Variants in NAALADL2 observed in about 807,000 individuals in gnomAD.
The protein encoded by NAALADL2 is inactive N-acetylated-alpha-linked acidic dipeptidase-like protein 2.
NAALADL2 carries 76 observed loss-of-function variants against 87.2 expected under a neutral mutation model. The observed-to-expected ratio is 0.87, with a 90% CI of 0.72 to 1.05. The LOEUF is 1.05. NAALADL2 is among the 50% of genes least tolerant of loss of function. The pLI is 0.00. For missense variants in NAALADL2, 1,089 were observed against 945.8 expected, an observed-to-expected ratio of 1.15 and a Z score of -1.99; for synonymous variants, 354 against 331.0, an observed-to-expected ratio of 1.07 and a Z score of -0.75.
At chr3:175,301,417 A>C (rs944448110) in intron 4 of NAALADL2, among the ~76,000 whole-genome samples, 4 of 151,934 alleles carry the variant, frequency 2.6e-5, no homozygotes, top group African/African-American at 9.7e-5. Flanking sequence ...CAGAACTTAA[A>C]GTATAATAAA....
intron 2 of NAALADL2, among the ~76,000 whole-genome samples, chr3:174,720,736 T>C (rs1166750192): frequency 6.6e-6 from 1 of 152,196 alleles, no homozygotes; most frequent in Admixed American, 6.5e-5. Flanking sequence ...ATTAATAAAA[T>C]GCAGTTTTTA....
intron 1 of NAALADL2, among the ~76,000 whole-genome samples, chr3:174,961,284 C>T (rs1741956259): frequency 6.6e-6 from 1 of 151,248 alleles, no homozygotes; most frequent in South Asian, 2.1e-4. Context: ...CCACCCACAC[C>T]TGGTTGAGAA....
At chr3:175,540,355 G>A (rs1292081761) in intron 9 of NAALADL2, among the ~76,000 whole-genome samples, 1 of 152,094 alleles carries the variant, frequency 6.6e-6, no homozygotes, top group Non-Finnish European at 1.5e-5. Context: ...ATGTTAGAGG[G>A]CGATCAAAGA....
chr3:175,082,810 T>C (rs541512279), intron 1 of NAALADL2, among the ~76,000 whole-genome samples: 1 of 152,192 alleles, frequency 6.6e-6, no homozygotes, highest in Non-Finnish European at 1.5e-5. Flanking sequence ...TTGGTAAATA[T>C]GTAGAAGGTG....
At chr3:174,610,709 C>T (rs1455808824) in intron 2 of NAALADL2, among the ~76,000 whole-genome samples, 1 of 145,858 alleles carries the variant, frequency 6.9e-6, no homozygotes, top group African/African-American at 2.6e-5. Flanking sequence ...CACTTTTACA[C>T]TGTTGTTGGG....
At chr3:175,508,206 G>A (rs146459313) in intron 9 of NAALADL2, among the ~76,000 whole-genome samples, 144 of 152,280 alleles carry the variant, frequency 9.5e-4, no homozygotes, top group African/African-American at 2.6e-3. Flanking sequence ...GGGATCTGCC[G>A]CCATGATCCA....
At chr3:175,469,886 A>C (rs1194721523) in intron 8 of NAALADL2, among the ~76,000 whole-genome samples, 1 of 152,094 alleles carries the variant, frequency 6.6e-6, no homozygotes, top group African/African-American at 2.4e-5. Flanking sequence ...CATAGCACTT[A>C]AGTAACAGAT....
At chr3:175,095,000 A>G (rs1720877370) in intron 1 of NAALADL2, among the ~76,000 whole-genome samples, 1 of 152,056 alleles carries the variant, frequency 6.6e-6, no homozygotes, top group Non-Finnish European at 1.5e-5. Flanking sequence ...TTATTATTAT[A>G]CCCATTTCAC....
intron 9 of NAALADL2, among the ~76,000 whole-genome samples, chr3:175,493,718 C>T (rs1401956373): frequency 1.3e-5 from 2 of 152,192 alleles, no homozygotes; most frequent in East Asian, 1.9e-4. Context: ...TAATAGTCAC[C>T]GGTATAACAA....
chr3:174,456,976 A>C lies in NAALADL2; in HGVS notation c.-184+15944A>C, dbSNP rs144256945. 1.2e-4 allele frequency among the ~76,000 whole-genome samples: 18 copies of C among 152,350 alleles called. No homozygotes were observed. The East Asian group carries it at 3.5e-3, about 29-fold the overall frequency. On this transcript the variant is annotated intron_variant, in intron 1 of 3. Transcript: ENST00000434257. The stretch of plus-strand genomic sequence containing the variant: ...CAAACTGTGCATCTGACACAGGACT[A>C]ATATCAAGCATCTACAGGGAACTTA...
intron 1 of NAALADL2, among the ~76,000 whole-genome samples, chr3:174,457,433 A>C (rs1715915493): frequency 6.6e-6 from 1 of 152,210 alleles, no homozygotes; most frequent in Admixed American, 6.5e-5. Context: ...ACAATAGCAA[A>C]GCCATGGAAT....
At chr3:175,683,252 C>T (rs1735839186) in intron 11 of NAALADL2, among the ~76,000 whole-genome samples, 1 of 151,724 alleles carries the variant, frequency 6.6e-6, no homozygotes, top group Non-Finnish European at 1.5e-5. Flanking sequence ...TTAATTCTTC[C>T]CATTTTGTGT....
At chr3:175,244,411 A>G (rs914272648) in intron 3 of NAALADL2, among the ~76,000 whole-genome samples, 1 of 152,032 alleles carries the variant, frequency 6.6e-6, no homozygotes, top group Non-Finnish European at 1.5e-5. Context: ...TATCAACCAA[A>G]TGGGTTCAAA....
At chr3:175,324,680 G>A (rs150919276) in intron 5 of NAALADL2, among the ~76,000 whole-genome samples, 78 of 152,312 alleles carry the variant, frequency 5.1e-4, no homozygotes, top group African/African-American at 1.7e-3. Flanking sequence ...AGCATGAAAT[G>A]TCTGCTGCTT....
intron 2 of NAALADL2, among the ~76,000 whole-genome samples, chr3:175,214,023 G>A (rs577889716): frequency 6.6e-6 from 1 of 152,134 alleles, no homozygotes; most frequent in Admixed American, 6.5e-5. Context: ...TGAAAAATTT[G>A]TTCATTAGAA....
chr3:174,587,808 AT>A (rs1716896582), intron 2 of NAALADL2, among the ~76,000 whole-genome samples: 1 of 151,698 alleles, frequency 6.6e-6, no homozygotes. Context: ...TGCCCTTAAC[AT>A]TTTTTCCTTC....
intron 11 of NAALADL2, among the ~76,000 whole-genome samples, chr3:175,636,629 C>A (rs1474895173): frequency 7.0e-6 from 1 of 143,126 alleles, no homozygotes; most frequent in South Asian, 2.3e-4. Context: ...ACCTGGGAGG[C>A]GGAGGTTGCA....
chr3:175,273,269 T>TA (rs1273204531), intron 4 of NAALADL2, among the ~76,000 whole-genome samples: 1 of 152,116 alleles, frequency 6.6e-6, no homozygotes, highest in Non-Finnish European at 1.5e-5. Flanking sequence ...TATGTTCTCT[T>TA]ACAATTTATC....
chr3:174,571,291 G>T (rs1174671100), intron 2 of NAALADL2, among the ~76,000 whole-genome samples: 1 of 152,102 alleles, frequency 6.6e-6, no homozygotes, highest in Non-Finnish European at 1.5e-5. Flanking sequence ...TTTTTAGTGA[G>T]ACTATTGTAA....
Sources: allele counts gnomAD v4.1 joint callset (sites outside exome capture counted in the v4.1 genomes callset), GRCh38; gene constraint gnomAD v4.1.1; transcripts MANE v1.5; gene names NCBI Gene and HGNC (gene_info 2026-07-23, HGNC 2026-07-21).